Variants in SRRM4 observed in about 807,000 individuals in gnomAD.
The protein encoded by SRRM4 is serine/arginine repetitive matrix protein 4.
SRRM4 carries 33 observed loss-of-function variants against 68.9 expected under a neutral mutation model. The ratio of observed to expected loss-of-function variants is 0.48; its 90% CI spans 0.36 to 0.64. The LOEUF (loss-of-function observed/expected upper bound fraction) is 0.64. Among genes scored for constraint, SRRM4 ranks in the 30% least tolerant of loss-of-function variants. The pLI is 0.00. For missense variants in SRRM4, 817 were observed against 827.1 expected (o/e 0.99, Z 0.15); for synonymous variants, 318 against 318.8 (o/e 1.00, Z 0.03).
chr12:119,099,558 T>C (rs1954066176), intron 1 of SRRM4, among the ~76,000 whole-genome samples: 1 of 152,256 alleles, frequency 6.6e-6, no homozygotes. Flanking sequence ...TTATTCCAAA[T>C]CTTTTGGCTG....
intron 1 of SRRM4, among the ~76,000 whole-genome samples, chr12:119,053,354 A>C (rs1472064159): frequency 2.0e-5 from 3 of 152,228 alleles, no homozygotes; most frequent in Non-Finnish European, 4.4e-5. Flanking sequence ...AATAATAATA[A>C]GCAAATAATA....
intron 1 of SRRM4, among the ~76,000 whole-genome samples, chr12:118,994,346 G>T (rs967089340): frequency 2.0e-5 from 3 of 152,066 alleles, no homozygotes; most frequent in Non-Finnish European, 4.4e-5. Flanking sequence ...TGGTCTAAGT[G>T]CTCCTAGATG....
chr12:119,115,911 C>T (rs1308919084), intron 3 of SRRM4, among the ~76,000 whole-genome samples: 6 of 151,840 alleles, frequency 4.0e-5, no homozygotes, highest in Admixed American at 1.3e-4. Flanking sequence ...ATTTCCAAAT[C>T]GGGAGATTTC....
intron 1 of SRRM4, among the ~76,000 whole-genome samples, chr12:119,075,940 GAT>G (rs1953911976): frequency 6.2e-5 from 7 of 112,752 alleles, no homozygotes; most frequent in Admixed American, 5.0e-4. Context: ...TGATGGTGAT[GAT>G]GATGGTGGTA....
At chr12:119,121,974 G>T (rs1938319374) in intron 5 of SRRM4, 96 bp from the exon 6 acceptor site, 2 of 806,476 alleles carry the variant, frequency 2.5e-6, no homozygotes, top group Non-Finnish European at 2.2e-6. Flanking sequence ...TTCCAAAACT[G>T]CCTGGATCTC....
At chr12:118,998,247 G>A (rs1210224907) in intron 1 of SRRM4, among the ~76,000 whole-genome samples, 2 of 108,982 alleles carry the variant, frequency 1.8e-5, no homozygotes, top group East Asian at 6.1e-4. Context: ...CTGTGCAACT[G>A]AGTGGATAAG....
At chr12:119,106,218 AG>A (rs1227717821) in intron 2 of SRRM4, among the ~76,000 whole-genome samples, 5 of 152,116 alleles carry the variant, frequency 3.3e-5, no homozygotes, top group Non-Finnish European at 5.9e-5. Context: ...GTAGCCTTGT[AG>A]TATAGTTTGA....
chr12:119,083,153 C>T (rs1188982879), intron 1 of SRRM4, among the ~76,000 whole-genome samples: 1 of 151,964 alleles, frequency 6.6e-6, no homozygotes, highest in East Asian at 2.0e-4. Context: ...CAGGCACAGC[C>T]AAAGTAGCCA....
At chr12:119,100,320 G>T in intron 1 of SRRM4, among the ~76,000 whole-genome samples, 2 of 47,024 alleles carry the variant, frequency 4.3e-5, no homozygotes, top group South Asian at 7.1e-4. Flanking sequence ...GTGGGACCCT[G>T]TCTCTACAAA....
intron 1 of SRRM4, among the ~76,000 whole-genome samples, chr12:119,086,420 G>C (rs2136034379): frequency 6.6e-6 from 1 of 152,250 alleles, no homozygotes; most frequent in South Asian, 2.1e-4. Context: ...ATTTGTACAG[G>C]GAAACAAGAC....
chr12:119,043,089 T>C (rs1953680086), intron 1 of SRRM4, among the ~76,000 whole-genome samples: 1 of 152,180 alleles, frequency 6.6e-6, no homozygotes, highest in African/African-American at 2.4e-5. Context: ...GATACATGCA[T>C]GTGTATGTTC....
intron 1 of SRRM4, among the ~76,000 whole-genome samples, chr12:119,085,831 A>T (rs1592892701): frequency 6.6e-6 from 1 of 152,068 alleles, no homozygotes; most frequent in East Asian, 1.9e-4. Context: ...GATGCTTTGG[A>T]GTCAGAATGG....
At chr12:118,982,539 C>T (rs1242880266) in intron 1 of SRRM4, among the ~76,000 whole-genome samples, 2 of 152,178 alleles carry the variant, frequency 1.3e-5, no homozygotes, top group Non-Finnish European at 2.9e-5. Context: ...CTCCTCCACG[C>T]CTTTCTGGCG....
chr12:119,134,531 T>C (rs1954316967), intron 8 of SRRM4, among the ~76,000 whole-genome samples: 1 of 152,112 alleles, frequency 6.6e-6, no homozygotes, highest in African/African-American at 2.4e-5. Context: ...CAGTACTTTC[T>C]CCAGTTGTTA....
At chr12:119,124,925 T>C (rs1326711383) in intron 6 of SRRM4, among the ~76,000 whole-genome samples, 1 of 152,164 alleles carries the variant, frequency 6.6e-6, no homozygotes, top group Non-Finnish European at 1.5e-5. Flanking sequence ...ACCACACAAA[T>C]ATTCTGGAGG....
At chr12:119,108,212 T>C (rs865874878) in intron 2 of SRRM4, among the ~76,000 whole-genome samples, 1 of 152,152 alleles carries the variant, frequency 6.6e-6, no homozygotes, top group Admixed American at 6.6e-5. Context: ...TTTTACATTT[T>C]CTGAGGAGTG....
intron 4 of SRRM4, among the ~76,000 whole-genome samples, chr12:119,117,949 A>G (rs1954192214): frequency 6.6e-6 from 1 of 152,172 alleles, no homozygotes; most frequent in East Asian, 1.9e-4. Context: ...AGGATATACA[A>G]CAGAGGGCTC....
rs60070764 is a variant in SRRM4, at chr12:118,982,695, T to TC, written c.131+684dup. On this transcript the variant is annotated intron_variant, in intron 1 of 12. Transcript: ENST00000267260. ...TTTTTTTTTGTTTTTTTTTTTTTTTTCCAAAAAGAATCTGATTGCTTTGAA... is the reference window on the plus strand; with the variant it reads ...TTTTTTTTTGTTTTTTTTTTTTTTTTCCCAAAAAGAATCTGATTGCTTTGAA... 2.2e-4 allele frequency among the ~76,000 whole-genome samples: 25 copies of TC among 114,262 alleles called. No homozygotes were observed. The East Asian group carries it at 4.6e-3, about 21-fold the overall frequency. The allele number at this position is 114,262 out of a possible 152,430, so 75.0% of individuals were successfully genotyped here.
At chr12:119,129,963 A>AGATGGATGGATG (rs10549675) in intron 7 of SRRM4, among the ~76,000 whole-genome samples, 24 of 136,650 alleles carry the variant, frequency 1.8e-4, no homozygotes, top group Non-Finnish European at 3.1e-4. Flanking sequence ...AAGGAAGGAC[A>AGATGGATGGATG]GATGGATGGA....
Sources: gnomAD v4.1 joint callset for allele counts (sites outside exome capture counted in the v4.1 genomes callset) on GRCh38, gnomAD v4.1.1 for gene constraint, MANE v1.5 for transcripts, NCBI Gene and HGNC (gene_info 2026-07-23, HGNC 2026-07-21) for gene names.